Variants in PAXIP1 observed in about 807,000 individuals in gnomAD.
PAXIP1 encodes the protein PAX-interacting protein 1.
In PAXIP1, 19 loss-of-function variants were observed where a neutral mutation model predicts 140.6. That is an observed-to-expected ratio of 0.14 (90% CI 0.09 to 0.20). PAXIP1 has a LOEUF of 0.20. PAXIP1 is among the 10% of genes least tolerant of loss of function. The pLI is 1.00. For synonymous variants in PAXIP1, 442 were observed against 444.6 expected (o/e 0.99, Z 0.07); for missense variants, 920 against 1,208.6 (o/e 0.76, Z 3.54).
chr7:154,975,554 A>G, intron 6 of PAXIP1, 142 bp downstream of exon 6: 1 of 608,408 alleles, frequency 1.6e-6, no homozygotes, highest in East Asian at 2.8e-5. Context: ...ACACACACAC[A>G]CAAGTAAACA....
chr7:154,980,657 C>T (rs1051788508), intron 5 of PAXIP1, among the ~76,000 whole-genome samples: 7 of 152,256 alleles, frequency 4.6e-5, no homozygotes, highest in Non-Finnish European at 8.8e-5. Flanking sequence ...CAAGAGACCT[C>T]CCACCTTGGC....
At chr7:154,978,338 G>A (rs1419571373) in intron 5 of PAXIP1, among the ~76,000 whole-genome samples, 1 of 152,182 alleles carries the variant, frequency 6.6e-6, no homozygotes. Flanking sequence ...TTTTGGTGTT[G>A]AGGTTTGAAA....
rs1810090671 is a variant in PAXIP1, at chr7:154,986,658, A to T, written c.325-3326T>A. ...TCCCAATGCACTTTTCTTAAACTAC[A>T]ATTTCCAGGGTTTCTTCATAGAAGT... On this transcript the variant is annotated intron_variant, in intron 4 of 20. Coordinates refer to ENST00000404141, the MANE Select transcript of PAXIP1 (RefSeq NM_007349.4). The surrounding 1 kb of genome is among the most constrained non-coding windows in gnomAD (Gnocchi z 4.8). 6.6e-6 allele frequency among the ~76,000 whole-genome samples: 1 copy of T among 152,132 alleles called. No individual in the cohort carries two copies. Among genetic ancestry groups the T allele is most frequent in the Non-Finnish European group, 1.5e-5 (1 of 68,014 alleles).
chr7:154,947,203 T>A (rs1036431200), intron 17 of PAXIP1: 1 of 167,116 alleles, frequency 6.0e-6, no homozygotes, highest in East Asian at 1.7e-4. Context: ...GCCTGGCTTA[T>A]ATCCCTTTTC....
Position 154,962,474 on chromosome 7 carries a change from T to G in PAXIP1, c.1990-16A>C. On this transcript the variant is annotated splice_polypyrimidine_tract_variant and intron_variant, in intron 9 of 20. Coordinates refer to ENST00000404141, the MANE Select transcript of PAXIP1 (RefSeq NM_007349.4). ...CTCTTATTGCCTGTCAAACATAAAA[T>G]TATAGGTTTGTTGTTTTTGTTTTTC... 1.9e-6 allele frequency: 3 copies of G among 1,606,716 alleles called. No individual in the cohort carries two copies. The highest frequency in any genetic ancestry group is 2.6e-6 in the Non-Finnish European group (3 of 1,175,310).
At chr7:154,949,511 A>G (rs1366461506) in intron 16 of PAXIP1, 4 of 152,244 alleles carry the variant, frequency 2.6e-5, no homozygotes, top group Non-Finnish European at 5.9e-5. Flanking sequence ...AAGTACTGTT[A>G]CACATGAGAT....
intron 6 of PAXIP1, chr7:154,974,479 A>C (rs190784489): frequency 6.6e-6 from 1 of 152,384 alleles, no homozygotes; most frequent in Non-Finnish European, 1.5e-5. Context: ...TTCTTTTCTT[A>C]GAACTCAGCA....
Position 154,969,089 on chromosome 7 carries a change from T to A in PAXIP1, c.1112A>T (p.Glu371Val). ...QTLSAPTKNL[E>V]QQVNHSQQGH... ...CTGCTGGCTGTGATTCACCTGCTGT[T>A]CTAAATTTTTCGTAGGTGCTGAAAG... Residue 371 changes from glutamate (E) to valine (V), a missense_variant, in exon 7 of 21, where the codon GAA becomes GTA. Physicochemically the swap from Glu to Val is moderately radical, Grantham distance 121 (BLOSUM62 -2). Around this residue, in one of 5 missense-constraint regions of PAXIP1, gnomAD observed 419 missense variants for 514.7 expected, o/e 0.81. Coordinates refer to ENST00000404141, the MANE Select transcript of PAXIP1 (RefSeq NM_007349.4). 1 of 1,490,260 alleles carries A rather than the reference T, an allele frequency of 6.7e-7. No homozygotes were observed. The highest frequency in any genetic ancestry group is 9.0e-7 in the Non-Finnish European group (1 of 1,115,006). The allele number at this position is 1,490,260 out of a possible 1,614,324, so 92.3% of individuals were successfully genotyped here.
Position 154,946,523 on chromosome 7 carries a change from G to C in PAXIP1, c.3122C>G (p.Ala1041Gly). 6.2e-7 allele frequency: 1 copy of C among 1,613,804 alleles called. No homozygotes were observed. The highest frequency in any genetic ancestry group is 1.1e-5 in the South Asian group (1 of 91,080). The change falls in exon 19 of 21, where the codon GCC becomes GGC. Residue 1041 changes from alanine (A) to glycine (G), a missense_variant. By Grantham distance (60) the Ala-to-Gly change is moderately conservative. Around this residue, in one of 5 missense-constraint regions of PAXIP1, gnomAD observed 303 missense variants for 517.9 expected, o/e 0.59. Coordinates refer to ENST00000404141, the MANE Select transcript of PAXIP1 (RefSeq NM_007349.4). This position sits in a 1 kb window ranked among gnomAD's most constrained non-coding sequence, Gnocchi z 4.9. ...NDLHLCREYF[A>G]RGIDVHNAEF... ...GCGGGGAAACGTACCTATGCCTCTG[G>C]CAAAATATTCTCGGCATAAATGAAG...
At chr7:155,002,790 ACGGG>A in intron 1 of PAXIP1, 55 bp downstream of exon 1, 1 of 963,952 alleles carries the variant, frequency 1.0e-6, no homozygotes. Flanking sequence ...GGGGACGGGG[ACGGG>A]GACGGACGGG....
chr7:154,999,010 T>C (rs934443164), intron 1 of PAXIP1, among the ~76,000 whole-genome samples: 6 of 152,200 alleles, frequency 3.9e-5, no homozygotes, highest in African/African-American at 1.4e-4. Context: ...GACCAAGTAA[T>C]GGAGGCTATT....
At chr7:154,953,167 C>G (rs1235832558) in intron 16 of PAXIP1, among the ~76,000 whole-genome samples, 5 of 152,150 alleles carry the variant, frequency 3.3e-5, no homozygotes, top group Admixed American at 3.3e-4. Context: ...GTAACGGGAC[C>G]TAGTAGCGCC....
rs151327467 is a variant in PAXIP1 at position 154,968,014 on chromosome 7, A to C, written c.1799-104T>G. On this transcript the variant is annotated intron_variant, in intron 7 of 20. Coordinates refer to ENST00000404141, the MANE Select transcript of PAXIP1 (RefSeq NM_007349.4). ...ACAATGTCAATCTGTTATGTTTATC[A>C]GTCTTGACCATGACGTATCTGCCAG... 177 of 694,080 alleles carry C rather than the reference A, an allele frequency of 2.6e-4. 1 individual carries two copies. In the East Asian group the frequency reaches 4.7e-3, roughly 18 times the overall value. 43.0% of individuals were successfully genotyped at this position (694,080 alleles called of 1,614,324 possible).
intron 5 of PAXIP1, among the ~76,000 whole-genome samples, chr7:154,981,294 AGT>A (rs904047796): frequency 6.6e-6 from 1 of 152,186 alleles, no homozygotes; most frequent in Non-Finnish European, 1.5e-5. Context: ...GCTGCGTATT[AGT>A]GTTATTTTTA....
intron 14 of PAXIP1, 197 bp downstream of exon 14, chr7:154,957,027 A>G (rs1170035878): frequency 4.8e-6 from 2 of 413,808 alleles, no homozygotes; most frequent in Non-Finnish European, 8.5e-6. Context: ...AAAAGACTGA[A>G]TTTTTTTAAA....
Position 154,960,878 on chromosome 7 carries a change from T to C in PAXIP1, c.2434+15A>G. 1 of 1,525,820 alleles carries C rather than the reference T, an allele frequency of 6.6e-7. No individual in the cohort carries two copies. The highest frequency in any genetic ancestry group is 2.4e-5 in the East Asian group (1 of 42,418). 94.5% of individuals were successfully genotyped at this position (1,525,820 alleles called of 1,614,324 possible). A position where few individuals can be genotyped will look rare whatever the true frequency, so the allele number is the denominator to read the frequency against. ...TTATTTAAGTAAGATTTGCAGCATG[T>C]AGAATTTCACTTACCTAAAAGATTT... On this transcript the variant is annotated intron_variant, in intron 12 of 20. Transcript: ENST00000404141.
At chr7:154,974,225 G>A (rs1809461321) in intron 6 of PAXIP1, 2 of 152,194 alleles carry the variant, frequency 1.3e-5, no homozygotes. Flanking sequence ...CAGAAAGCTG[G>A]ATCCTCCCAT....
intron 12 of PAXIP1, 44 bp from the exon 13 acceptor site, chr7:154,959,977 T>C: frequency 3.6e-6 from 5 of 1,372,780 alleles, no homozygotes; most frequent in Non-Finnish European, 5.2e-6. Flanking sequence ...ATACGTTGTT[T>C]AAATAAAAAG....
chr7:154,984,369 G>GT (rs1809971149), intron 4 of PAXIP1, among the ~76,000 whole-genome samples: 1 of 152,118 alleles, frequency 6.6e-6, no homozygotes. Flanking sequence ...TAAATTTATT[G>GT]TAAGTTGAGG....
Sources: allele counts gnomAD v4.1 joint callset (sites outside exome capture counted in the v4.1 genomes callset), GRCh38; gene constraint gnomAD v4.1.1; regional missense constraint gnomAD v4.1.1; non-coding constraint Gnocchi (gnomAD v3.1); transcripts MANE v1.5; gene names NCBI Gene and HGNC (gene_info 2026-07-23, HGNC 2026-07-21).